RP1: variants seen among roughly 807,000 people sequenced by gnomAD.
RP1 encodes the protein oxygen-regulated protein 1.
Under a neutral mutation model 14.8 loss-of-function variants are expected in RP1, and 16 were observed. The ratio of observed to expected loss-of-function variants is 1.08; its 90% CI spans 0.73 to 1.65. RP1 has a LOEUF of 1.65. RP1 is among the 40% of genes most tolerant of loss of function. The pLI is 0.00. For missense variants in RP1, 2,631 were observed against 2,535.0 expected (o/e 1.04, Z -0.81); for synonymous variants, 876 against 883.6 (o/e 0.99, Z 0.15).
intron 24 of RP1, among the ~76,000 whole-genome samples, chr8:54,826,348 G>T (rs1235202154): frequency 6.6e-6 from 1 of 152,274 alleles, no homozygotes; most frequent in African/African-American, 2.4e-5. Flanking sequence ...CATTATCATT[G>T]CCACCTCCTG....
At chr8:54,797,191 C>T (rs1252773455) in intron 24 of RP1, among the ~76,000 whole-genome samples, 2 of 152,134 alleles carry the variant, frequency 1.3e-5, no homozygotes, top group African/African-American at 4.8e-5. Context: ...ATGTTAGAGT[C>T]AGATCCTTCA....
At chr8:54,650,749 G>T (rs1454632927) in intron 4 of RP1, among the ~76,000 whole-genome samples, 5 of 120,464 alleles carry the variant, frequency 4.2e-5, no homozygotes, top group African/African-American at 1.6e-4. Context: ...TTTCCTATTT[G>T]GATGTTTTAA....
chr8:54,589,976 C>T (rs1805012113), intron 1 of RP1, among the ~76,000 whole-genome samples: 1 of 152,074 alleles, frequency 6.6e-6, no homozygotes, highest in African/African-American at 2.4e-5. Context: ...ACCTCCTAAG[C>T]TTCCTCTATG....
At chr8:54,830,773 C>T (rs954649248) in intron 24 of RP1, among the ~76,000 whole-genome samples, 1 of 152,062 alleles carries the variant, frequency 6.6e-6, no homozygotes, top group African/African-American at 2.4e-5. Context: ...TTTAGTGGTT[C>T]ATGTTATGCA....
intron 24 of RP1, among the ~76,000 whole-genome samples, chr8:54,800,269 C>G (rs1782317158): frequency 6.6e-6 from 1 of 151,740 alleles, no homozygotes; most frequent in African/African-American, 2.4e-5. Context: ...AAGATTTTCT[C>G]TTTGTCTTTG....
At chr8:54,665,452 C>T (rs1254595872) in intron 7 of RP1, among the ~76,000 whole-genome samples, 1 of 152,112 alleles carries the variant, frequency 6.6e-6, no homozygotes, top group Non-Finnish European at 1.5e-5. Flanking sequence ...CCTGTCAGTG[C>T]CCCAGAGATA....
In RP1 at chr8:54,585,116, C is replaced by T. The variant is rs11996358; in HGVS notation, c.-13+25796C>T. 6.0e-3 allele frequency among the ~76,000 whole-genome samples: 912 copies of T among 152,230 alleles called. 9 individuals are homozygous for T. Among genetic ancestry groups the T allele is most frequent in the African/African-American group, 0.021 (852 of 41,526 alleles). ...AGCCTTGATGGTCTTTACAATTTGGCGTGTTTTTGCAGTGGTTGGTACCGG... is the reference window on the plus strand; with the variant it reads ...AGCCTTGATGGTCTTTACAATTTGGTGTGTTTTTGCAGTGGTTGGTACCGG... On this transcript the variant is annotated intron_variant, in intron 1 of 22. Coordinates refer to the RP1 transcript ENST00000636932.
At chr8:54,652,800 A>G in exon 5 of RP1, 1 of 1,535,802 alleles carries the variant, frequency 6.5e-7, no homozygotes, top group Non-Finnish European at 8.7e-7. Flanking sequence ...GAGACATTGG[A>G]GCACTCTTTA....
intron 6 of RP1, among the ~76,000 whole-genome samples, chr8:54,662,706 C>T (rs1249425626): frequency 6.6e-6 from 1 of 152,128 alleles, no homozygotes; most frequent in Non-Finnish European, 1.5e-5. Flanking sequence ...GTCTCTGGTG[C>T]ATTGAATCCA....
intron 3 of RP1, among the ~76,000 whole-genome samples, chr8:54,642,627 T>A (rs187493611): frequency 6.6e-6 from 1 of 152,288 alleles, no homozygotes; most frequent in Admixed American, 6.5e-5. Flanking sequence ...TAAAGATACA[T>A]GATTGTATCT....
intron 19 of RP1, among the ~76,000 whole-genome samples, chr8:54,748,015 GC>G (rs1283848041): frequency 1.3e-5 from 2 of 152,212 alleles, no homozygotes; most frequent in Non-Finnish European, 2.9e-5. Flanking sequence ...TTCTCTTGAA[GC>G]TTTTTGATTC....
At chr8:54,657,175 G>A (rs1323168253) in intron 6 of RP1, among the ~76,000 whole-genome samples, 1 of 152,152 alleles carries the variant, frequency 6.6e-6, no homozygotes, top group Non-Finnish European at 1.5e-5. Context: ...CCATTTAGAA[G>A]CATTGTTATC....
At chr8:54,639,387 C>G (rs537138659) in intron 3 of RP1, among the ~76,000 whole-genome samples, 67 of 152,260 alleles carry the variant, frequency 4.4e-4, no homozygotes, top group African/African-American at 1.6e-3. Flanking sequence ...ACATTCATGT[C>G]CAGTCTTCTT....
Position 54,629,967 on chromosome 8 carries a change from A to G in RP1, c.6085A>G (p.Lys2029Glu). ...GNLKKFQPDL[K>E]ERFCMNFLHT... ...TTTAAAGAAATTTCAACCAGATTTG[A>G]AGGAAAGGTTTTGTATGAATTTCTT... Residue 2029 changes from lysine to glutamate, a missense_variant, in exon 4 of 4, where the codon AAG (lysine) becomes GAG (glutamate). Physicochemically the swap from Lys to Glu is moderately conservative, Grantham distance 56. Coordinates refer to ENST00000220676, the MANE Select transcript of RP1 (RefSeq NM_006269.2). 2 of 1,614,066 alleles carry G rather than the reference A, an allele frequency of 1.2e-6. No individual in the cohort carries two copies. The highest frequency in any genetic ancestry group is 8.5e-7 in the Non-Finnish European group (1 of 1,179,974).
chr8:54,848,614 A>T (rs1811985407), intron 25 of RP1, among the ~76,000 whole-genome samples: 1 of 152,226 alleles, frequency 6.6e-6, no homozygotes, highest in South Asian at 2.1e-4. Context: ...AAAAGAAAAT[A>T]GAGACTAGAT....
chr8:54,800,130 G>A (rs1554534544), intron 24 of RP1, among the ~76,000 whole-genome samples: 1 of 151,788 alleles, frequency 6.6e-6, no homozygotes, highest in Non-Finnish European at 1.5e-5. Flanking sequence ...TGGATTGCCA[G>A]TTTTTTTTCT....
intron 1 of RP1, among the ~76,000 whole-genome samples, chr8:54,619,387 C>T (rs998087658): frequency 6.6e-6 from 1 of 152,178 alleles, no homozygotes; most frequent in Non-Finnish European, 1.5e-5. Flanking sequence ...TTTTCCATCT[C>T]TGTATTACCA....
chr8:54,606,895 C>T (rs1479158310), intron 1 of RP1, among the ~76,000 whole-genome samples: 2 of 152,216 alleles, frequency 1.3e-5, no homozygotes, highest in Admixed American at 6.5e-5. Context: ...TCAGCTCCAT[C>T]AGGTCCTTTA....
chr8:54,719,446 C>T (rs1808484571), intron 15 of RP1, among the ~76,000 whole-genome samples: 1 of 152,246 alleles, frequency 6.6e-6, no homozygotes, highest in South Asian at 2.1e-4. Context: ...ATACTAGTTG[C>T]TATTGGAAAT....
Sources: allele counts gnomAD v4.1 joint callset (sites outside exome capture counted in the v4.1 genomes callset), GRCh38; gene constraint gnomAD v4.1.1; transcripts MANE v1.5; gene names NCBI Gene and HGNC (gene_info 2026-07-23, HGNC 2026-07-21).